Variants in NEDD4L observed in about 807,000 individuals in gnomAD.
NEDD4L encodes the protein E3 ubiquitin-protein ligase NEDD4-like.
Under a neutral mutation model 148.9 loss-of-function variants are expected in NEDD4L, and 54 were observed. The observed-to-expected ratio is 0.36, with a 90% CI of 0.29 to 0.45. The LOEUF is 0.45. NEDD4L is among the 20% of genes least tolerant of loss of function. NEDD4L has a pLI of 1.00. For synonymous variants in NEDD4L, 433 were observed against 440.7 expected, an observed-to-expected ratio of 0.98 and a Z score of 0.22; for missense variants, 856 against 1,233.8, an observed-to-expected ratio of 0.69 and a Z score of 4.59.
intron 1 of NEDD4L, among the ~76,000 whole-genome samples, chr18:58,072,263 C>A (rs2082907215): frequency 6.6e-6 from 1 of 152,134 alleles, no homozygotes; most frequent in Non-Finnish European, 1.5e-5. Context: ...CTAAAGACAT[C>A]ACAAGAAAAC....
intron 2 of NEDD4L, among the ~76,000 whole-genome samples, chr18:58,179,248 G>A (rs143091655): frequency 3.3e-4 from 51 of 152,286 alleles, no homozygotes; most frequent in African/African-American, 1.2e-3. Flanking sequence ...TTCTTGAAGT[G>A]AGACTTCACC....
chr18:58,115,979 G>T (rs189073576), intron 1 of NEDD4L, among the ~76,000 whole-genome samples: 1 of 152,200 alleles, frequency 6.6e-6, no homozygotes, highest in Non-Finnish European at 1.5e-5. Context: ...AGCAAGGCGT[G>T]TTTAGGCCTG....
chr18:58,073,684 G>A (rs1035174448), intron 1 of NEDD4L, among the ~76,000 whole-genome samples: 4 of 152,176 alleles, frequency 2.6e-5, no homozygotes, highest in Admixed American at 1.3e-4. Context: ...GTGTTAATAT[G>A]TGCTGGAGGC....
intron 20 of NEDD4L, among the ~76,000 whole-genome samples, chr18:58,364,585 G>T (rs1381859307): frequency 6.6e-6 from 1 of 152,026 alleles, no homozygotes; most frequent in Non-Finnish European, 1.5e-5. Flanking sequence ...TACATAAAAA[G>T]ACAGGAATGA....
chr18:58,315,965 T>G lies in NEDD4L; in HGVS notation c.298-17T>G, dbSNP rs766498556. The G allele has an allele frequency of 5.6e-6, 9 of 1,608,102 alleles. No individual in the cohort carries two copies. Among genetic ancestry groups the G allele is most frequent in the Non-Finnish European group, 7.7e-6 (9 of 1,174,614 alleles). On this transcript the variant is annotated splice_polypyrimidine_tract_variant and intron_variant, in intron 5 of 30. Coordinates refer to ENST00000400345, the MANE Select transcript of NEDD4L (RefSeq NM_001144967.3). ...TGAAGAAATGGAAACACTAACTCTT[T>G]GTTCTCTTCCTAACAGACACGAGAC... is the stretch of plus-strand genomic sequence containing the variant.
chr18:58,072,210 A>T (rs774132849), intron 1 of NEDD4L, among the ~76,000 whole-genome samples: 1 of 152,208 alleles, frequency 6.6e-6, no homozygotes, highest in Non-Finnish European at 1.5e-5. Flanking sequence ...ACCGAGTATT[A>T]TTATAAACTC....
At chr18:58,126,596 T>C (rs770817389) in intron 1 of NEDD4L, among the ~76,000 whole-genome samples, 2 of 152,190 alleles carry the variant, frequency 1.3e-5, no homozygotes, top group African/African-American at 2.4e-5. Flanking sequence ...CCATGAACAC[T>C]TGTGTGCAGG....
chr18:58,384,716 T>A (rs2048783163), intron 25 of NEDD4L, among the ~76,000 whole-genome samples: 1 of 152,204 alleles, frequency 6.6e-6, no homozygotes, highest in South Asian at 2.1e-4. Context: ...AGAATGCTGT[T>A]GAGCTGTTCA....
intron 2 of NEDD4L, chr18:58,189,997 G>A (rs1189199270): frequency 6.6e-6 from 1 of 152,148 alleles, no homozygotes; most frequent in East Asian, 1.9e-4. Context: ...ACCAAACCAA[G>A]TATTCCAAAT....
chr18:58,109,559 A>AG (rs1385274104), intron 1 of NEDD4L, among the ~76,000 whole-genome samples: 1 of 126,142 alleles, frequency 7.9e-6, no homozygotes, highest in Non-Finnish European at 1.7e-5. Flanking sequence ...AACAACTAGG[A>AG]GGTTTTTTTT....
intron 2 of NEDD4L, among the ~76,000 whole-genome samples, chr18:58,183,969 G>A (rs562990860): frequency 5.9e-4 from 90 of 152,128 alleles, no homozygotes; most frequent in East Asian, 1.9e-3. Context: ...GGAGATCAAG[G>A]CCATCCTGGC....
At chr18:58,276,702 ATT>A (rs2052105478) in intron 5 of NEDD4L, among the ~76,000 whole-genome samples, 1 of 149,662 alleles carries the variant, frequency 6.7e-6, no homozygotes, top group Non-Finnish European at 1.5e-5. Context: ...TAATATTATT[ATT>A]ATTATTATTA....
intron 27 of NEDD4L, chr18:58,387,743 C>T: frequency 2.7e-6 from 1 of 374,744 alleles, no homozygotes; most frequent in African/African-American, 2.1e-5. Flanking sequence ...TTGCCTTGTC[C>T]ATCAGAGGGC....
At chr18:58,147,379 ACT>A (rs2034203500) in intron 1 of NEDD4L, among the ~76,000 whole-genome samples, 2 of 151,362 alleles carry the variant, frequency 1.3e-5, no homozygotes, top group African/African-American at 2.4e-5. Context: ...ATTAAAAAAA[ACT>A]CTCCACGTTG....
intron 23 of NEDD4L, among the ~76,000 whole-genome samples, chr18:58,371,173 A>T (rs1251339241): frequency 6.9e-6 from 1 of 144,660 alleles, no homozygotes; most frequent in East Asian, 2.0e-4. Context: ...GATAGCTGGG[A>T]TTACAGGCAC....
intron 24 of NEDD4L, among the ~76,000 whole-genome samples, chr18:58,379,889 T>C (rs1290903734): frequency 6.6e-6 from 1 of 150,464 alleles, no homozygotes; most frequent in Non-Finnish European, 1.5e-5. Flanking sequence ...CCTAGTAGCT[T>C]AGGGAGCAGA....
chr18:58,054,143 C>T (rs981779802), intron 1 of NEDD4L, among the ~76,000 whole-genome samples: 1 of 151,906 alleles, frequency 6.6e-6, no homozygotes, highest in African/African-American at 2.4e-5. Flanking sequence ...TGCAAGTAAC[C>T]CTAATCTATT....
chr18:58,130,668 A>G (rs1261490505), intron 1 of NEDD4L, among the ~76,000 whole-genome samples: 6 of 96,036 alleles, frequency 6.2e-5, no homozygotes, highest in African/African-American at 1.7e-4. Context: ...GTGATCTAGC[A>G]GAACAGTGGC....
At chr18:58,057,086 A>G (rs4302128) in intron 1 of NEDD4L, among the ~76,000 whole-genome samples, 113,211 of 151,500 alleles carry the variant, frequency 0.75, 42,800 homozygotes, top group East Asian at 0.98. Context: ...GCCAGGGGTA[A>G]AGTCAGGCAC....
Sources: allele counts gnomAD v4.1 joint callset (sites outside exome capture counted in the v4.1 genomes callset), GRCh38; gene constraint gnomAD v4.1.1; transcripts MANE v1.5; gene names NCBI Gene and HGNC (gene_info 2026-07-23, HGNC 2026-07-21).